The following ARHGEF4 variants were observed in gnomAD, a reference collection of about 807,000 sequenced individuals.
ARHGEF4 encodes the protein APC-stimulated guanine nucleotide exchange factor 1.
Under a neutral mutation model 162.0 loss-of-function variants are expected in ARHGEF4, and 119 were observed. That is an observed-to-expected ratio of 0.73 (90% CI 0.63 to 0.86). ARHGEF4 has a LOEUF of 0.86. ARHGEF4 is among the 40% of genes least tolerant of loss of function. The pLI, the probability that ARHGEF4 is intolerant of heterozygous loss-of-function variation, is 0.00. For synonymous variants in ARHGEF4, 1,014 were observed against 979.9 expected, an observed-to-expected ratio of 1.03 and a Z score of -0.65; for missense variants, 2,488 against 2,456.0, an observed-to-expected ratio of 1.01 and a Z score of -0.28.
At position 131,016,610 on chromosome 2, in the gene ARHGEF4, CT is replaced by C. The variant is rs1167336740; in HGVS notation, c.3986-11332del. On this transcript the variant is annotated intron_variant, in intron 4 of 13. Transcript: ENST00000409359. Reference sequence around the variant, plus strand: ...GCAGAGCTCAGTAAGTCAGTACTCACTTTGTTAATGGCTTTTGATGGACAGC... The same window carrying C: ...GCAGAGCTCAGTAAGTCAGTACTCACTTGTTAATGGCTTTTGATGGACAGC... Among the ~76,000 whole-genome samples, 2 of 152,256 alleles carry C rather than the reference CT, an allele frequency of 1.3e-5. 1 individual carries two copies. The highest frequency in any genetic ancestry group is 2.9e-5 in the Non-Finnish European group (2 of 68,052).
intron 2 of ARHGEF4, among the ~76,000 whole-genome samples, chr2:130,928,408 C>T (rs1261001002): frequency 6.6e-6 from 1 of 152,236 alleles, no homozygotes; most frequent in Non-Finnish European, 1.5e-5. Flanking sequence ...CATCCCAAAC[C>T]TCTCCACTGC....
chr2:130,894,624 A>C (rs543720357), intron 1 of ARHGEF4, among the ~76,000 whole-genome samples: 24 of 152,158 alleles, frequency 1.6e-4, no homozygotes, highest in African/African-American at 5.6e-4. Flanking sequence ...GCATAACAAA[A>C]CATCTATTGC....
At chr2:130,973,818 G>T (rs2105227845) in intron 4 of ARHGEF4, among the ~76,000 whole-genome samples, 2 of 152,272 alleles carry the variant, frequency 1.3e-5, no homozygotes, top group South Asian at 4.1e-4. Context: ...TCTGCAAGGT[G>T]AGAGAATAGA....
chr2:131,001,302 C>CAAAAAAAAAAAAA (rs70994730), intron 4 of ARHGEF4, among the ~76,000 whole-genome samples: 1 of 31,154 alleles, frequency 3.2e-5, no homozygotes, highest in Non-Finnish European at 6.6e-5. Context: ...GACTGTGTCT[C>CAAAAAAAAAAAAA]AAAAAAAAAA....
At chr2:130,865,677 G>T (rs1682222147) in intron 1 of ARHGEF4, among the ~76,000 whole-genome samples, 1 of 152,092 alleles carries the variant, frequency 6.6e-6, no homozygotes. Flanking sequence ...TCCTTTCCAT[G>T]TGATGGTGAA....
chr2:130,896,115 CTAT>C (rs1680143133), intron 1 of ARHGEF4, among the ~76,000 whole-genome samples: 1 of 152,014 alleles, frequency 6.6e-6, no homozygotes, highest in Admixed American at 6.6e-5. Flanking sequence ...GTTGAAAAGA[CTAT>C]TATTCTTTTT....
chr2:130,990,957 T>C (rs1420459451), intron 4 of ARHGEF4, among the ~76,000 whole-genome samples: 2 of 152,240 alleles, frequency 1.3e-5, no homozygotes, highest in African/African-American at 2.4e-5. Flanking sequence ...TTGGGAAATT[T>C]ACAAATTGAG....
Position 130,916,494 on chromosome 2 carries a change from C to G in ARHGEF4, c.2548C>G (p.His850Asp), listed in dbSNP as rs527890887. 1 of 1,547,640 alleles carries G rather than the reference C, an allele frequency of 6.5e-7. No homozygotes were observed. Among genetic ancestry groups the G allele is most frequent in the East Asian group, 2.4e-5 (1 of 40,880 alleles). The change falls in exon 2 of 14, where the codon CAC becomes GAC. Residue 850 changes from histidine (H) to aspartate (D), a missense_variant. Physicochemically the swap from His to Asp is moderately conservative, Grantham distance 81 (BLOSUM62 -1). Coordinates refer to ENST00000409359, the MANE Select transcript of ARHGEF4 (RefSeq NM_001367493.1). The part of the protein sequence containing the change: ...AAGRDAPPLH[H>D]GDASAWPEFV... ...CGGTCGGGACGCACCGCCTCTGCAC[C>G]ACGGGGACGCCAGCGCCTGGCCCGA...
intron 4 of ARHGEF4, among the ~76,000 whole-genome samples, chr2:130,988,872 G>GTATA (rs58656982): frequency 9.3e-4 from 101 of 108,482 alleles, no homozygotes; most frequent in South Asian, 6.1e-3. Context: ...GTGTGTGTGT[G>GTATA]TATATATATA....
chr2:130,947,740 C>T lies in ARHGEF4; in HGVS notation c.3985+1105C>T, dbSNP rs575909482. On this transcript the variant is annotated intron_variant, in intron 4 of 13. Coordinates refer to ENST00000409359, the MANE Select transcript of ARHGEF4 (RefSeq NM_001367493.1). Reference sequence around the variant, plus strand: ...CAGGATGGGGCCTCTTTATGTAGAACAACCACCTTCCTCACACCCAACCCA... The same window carrying T: ...CAGGATGGGGCCTCTTTATGTAGAATAACCACCTTCCTCACACCCAACCCA... Among the ~76,000 whole-genome samples the T allele has an allele frequency of 1.4e-4, 21 of 152,282 alleles. No homozygotes were observed. The East Asian group carries it at 2.7e-3, about 20-fold the overall frequency.
At chr2:131,005,549 G>A (rs1688066228) in intron 4 of ARHGEF4, among the ~76,000 whole-genome samples, 1 of 152,220 alleles carries the variant, frequency 6.6e-6, no homozygotes, top group African/African-American at 2.4e-5. Flanking sequence ...CTGTGAGTGA[G>A]ATTTCTATAT....
In ARHGEF4 at chr2:130,916,139, G is replaced by C. The variant is rs957959498; in HGVS notation, c.2193G>C (p.Glu731Asp). 1 of 1,549,324 alleles carries C rather than the reference G, an allele frequency of 6.5e-7. No homozygotes were observed. Among genetic ancestry groups the C allele is most frequent in the Non-Finnish European group, 8.7e-7 (1 of 1,146,838 alleles). Reference protein sequence around the residue: ...AASEETPSTEEPPGERLRGES... With the variant: ...AASEETPSTEDPPGERLRGES... ...CGGAAGAGACGCCGAGCACAGAGGA[G>C]CCCCCGGGAGAGAGACTGCGTGGGG... The change falls in exon 2 of 14, where the codon GAG becomes GAC. Residue 731 changes from glutamate (E) to aspartate (D), a missense_variant. Around this residue, in one of 6 missense-constraint regions of ARHGEF4, gnomAD observed 1,642 missense variants for 1,481.5 expected, o/e 1.11. Transcript: ENST00000409359.
intron 4 of ARHGEF4, among the ~76,000 whole-genome samples, chr2:130,994,932 C>A (rs1317714289): frequency 1.3e-5 from 2 of 152,206 alleles, no homozygotes; most frequent in Non-Finnish European, 2.9e-5. Context: ...TCAGAGTCAG[C>A]CTGACTCCTC....
intron 4 of ARHGEF4, among the ~76,000 whole-genome samples, chr2:130,991,536 G>A (rs944559837): frequency 3.9e-5 from 6 of 152,184 alleles, no homozygotes; most frequent in Non-Finnish European, 8.8e-5. Flanking sequence ...CCCGGCACTC[G>A]GAGCAGCCGG....
In ARHGEF4 at chr2:130,916,700, CTT is replaced by C; in HGVS notation, c.2756_2757del (p.Phe919TyrfsTer2). 2.6e-5 allele frequency: 40 copies of C among 1,550,668 alleles called. No individual in the cohort carries two copies. The highest frequency in any genetic ancestry group is 3.4e-5 in the Non-Finnish European group (39 of 1,146,998). Reference protein sequence around the residue: ...LALAHKTFSNFIESIVLEKEN... With the variant: ...LALAHKTFSNXIESIVLEKEN... The stretch of plus-strand genomic sequence containing the variant: ...CCTTGGCTCATAAGACCTTTTCAAA[CTT>C]TATTGAGTCAATAGTTCTAGAGAAA... On this transcript the variant is annotated frameshift_variant, in exon 2 of 14. Coordinates refer to ENST00000409359, the MANE Select transcript of ARHGEF4 (RefSeq NM_001367493.1). LOFTEE classifies it high-confidence loss of function.
At chr2:131,035,926 A>G (rs1227255126) in intron 5 of ARHGEF4, 6 of 936,848 alleles carry the variant, frequency 6.4e-6, no homozygotes, top group Non-Finnish European at 7.6e-6. Flanking sequence ...AGGCTGTCAG[A>G]ACCTCAGAGG....
intron 4 of ARHGEF4, among the ~76,000 whole-genome samples, chr2:130,992,976 C>G (rs553899483): frequency 4.6e-5 from 7 of 152,096 alleles, no homozygotes; most frequent in Non-Finnish European, 8.8e-5. Context: ...CCCAACTATT[C>G]GGGAGGCTGA....
intron 1 of ARHGEF4, among the ~76,000 whole-genome samples, chr2:130,883,148 C>CTG: frequency 6.6e-6 from 1 of 152,150 alleles, no homozygotes; most frequent in South Asian, 2.1e-4. Flanking sequence ...TGTGCCCTCT[C>CTG]TGACGGTACT....
chr2:130,843,802 G>A (rs990553883), intron 1 of ARHGEF4, among the ~76,000 whole-genome samples: 7 of 152,204 alleles, frequency 4.6e-5, no homozygotes, highest in African/African-American at 1.7e-4. Context: ...GCGTATCCTC[G>A]GGAAATGCGC....
Sources: gnomAD v4.1 joint callset for allele counts (sites outside exome capture counted in the v4.1 genomes callset) on GRCh38, gnomAD v4.1.1 for gene constraint, gnomAD v4.1.1 regional missense constraint, MANE v1.5 for transcripts, NCBI Gene and HGNC (gene_info 2026-07-23, HGNC 2026-07-21) for gene names.